LZTFL1: variants seen among roughly 807,000 people sequenced by gnomAD.
The protein encoded by LZTFL1 is leucine zipper transcription factor like 1, also known as leucine zipper transcription factor-like protein 1.
Under a neutral mutation model 45.9 loss-of-function variants are expected in LZTFL1, and 25 were observed. The observed-to-expected ratio is 0.54, with a 90% CI of 0.40 to 0.76. LZTFL1 has a LOEUF of 0.76. Among genes scored for constraint, LZTFL1 ranks in the 30% least tolerant of loss-of-function variants. The pLI is 0.00. For missense variants in LZTFL1, 277 were observed against 331.1 expected, an observed-to-expected ratio of 0.84 and a Z score of 1.27; for synonymous variants, 93 against 117.4, an observed-to-expected ratio of 0.79 and a Z score of 1.35.
intron 2 of LZTFL1, chr3:45,897,694 A>G (rs1702402811): frequency 1.6e-6 from 2 of 1,243,072 alleles, no homozygotes; most frequent in Non-Finnish European, 2.2e-6. Context: ...TTTGTTCCCC[A>G]GGAACCAAAG....
At chr3:45,845,835 G>A (rs545892594), upstream of LZTFL1, among the ~76,000 whole-genome samples, 1 of 152,304 alleles carries the variant, frequency 6.6e-6, no homozygotes, top group Non-Finnish European at 1.5e-5. Context: ...GAATAGCTGT[G>A]TCATGAATAG....
At chr3:45,859,876 A>T (rs1701456316) in intron 2 of LZTFL1, among the ~76,000 whole-genome samples, 1 of 152,154 alleles carries the variant, frequency 6.6e-6, no homozygotes, top group African/African-American at 2.4e-5. Flanking sequence ...ACCTCAAGTG[A>T]TCTGCCCGTA....
At chr3:45,878,513 G>A (rs1057468536) in intron 2 of LZTFL1, among the ~76,000 whole-genome samples, 1 of 151,930 alleles carries the variant, frequency 6.6e-6, no homozygotes, top group Non-Finnish European at 1.5e-5. Flanking sequence ...GCTGGGGGAT[G>A]GGGCCCATTT....
chr3:45,867,492 T>C (rs1701596553), intron 2 of LZTFL1, among the ~76,000 whole-genome samples: 1 of 152,084 alleles, frequency 6.6e-6, no homozygotes, highest in African/African-American at 2.4e-5. Flanking sequence ...TTGGGGTGAA[T>C]TGGAATTAAA....
At chr3:45,876,187 C>T (rs569368495) in intron 2 of LZTFL1, among the ~76,000 whole-genome samples, 75 of 152,224 alleles carry the variant, frequency 4.9e-4, no homozygotes, top group Admixed American at 3.3e-3. Context: ...AGGCTCTTGA[C>T]GCTCAGGGAC....
intron 4 of LZTFL1, among the ~76,000 whole-genome samples, chr3:45,849,061 T>C (rs983001511): frequency 2.6e-5 from 4 of 152,216 alleles, no homozygotes. Flanking sequence ...GTCTATCGGT[T>C]GTTGGGAGAA....
chr3:45,889,404 C>T (rs569816156), intron 2 of LZTFL1, among the ~76,000 whole-genome samples: 9 of 152,156 alleles, frequency 5.9e-5, no homozygotes, highest in South Asian at 2.1e-4. Context: ...GCTCTTTCTG[C>T]GGTAGCTGGA....
At chr3:45,846,283 T>C (rs923039645), upstream of LZTFL1, among the ~76,000 whole-genome samples, 2 of 152,264 alleles carry the variant, frequency 1.3e-5, no homozygotes, top group African/African-American at 4.8e-5. Flanking sequence ...TTAGTTCTCA[T>C]GACTTAACCC....
upstream of LZTFL1, among the ~76,000 whole-genome samples, chr3:45,846,677 C>T (rs954602103): frequency 6.6e-6 from 1 of 151,356 alleles, no homozygotes; most frequent in African/African-American, 2.4e-5. Flanking sequence ...ATTTACTATT[C>T]ATTAAGTGGA....
intron 2 of LZTFL1, among the ~76,000 whole-genome samples, chr3:45,909,746 C>T (rs768538877): frequency 1.2e-4 from 18 of 152,222 alleles, no homozygotes; most frequent in East Asian, 1.9e-4. Flanking sequence ...GGCCTCACGC[C>T]GTGGGTGGCA....
At chr3:45,905,928 A>G (rs1337780605) in intron 2 of LZTFL1, among the ~76,000 whole-genome samples, 1 of 151,844 alleles carries the variant, frequency 6.6e-6, no homozygotes, top group African/African-American at 2.4e-5. Context: ...ATGCTGGTCG[A>G]CTCTCCAAAG....
At chr3:45,915,122 C>T (rs796526303) in intron 1 of LZTFL1, among the ~76,000 whole-genome samples, 3 of 152,182 alleles carry the variant, frequency 2.0e-5, no homozygotes, top group African/African-American at 7.2e-5. Flanking sequence ...CCTCAATGGT[C>T]CAGGCTTCCT....
At chr3:45,837,221 C>T (rs189749203) in intron 2 of LZTFL1, among the ~76,000 whole-genome samples, 1 of 152,122 alleles carries the variant, frequency 6.6e-6, no homozygotes, top group African/African-American at 2.4e-5. Context: ...TTTCTATATT[C>T]TTCAATAGAA....
At chr3:45,903,502 A>G (rs1321943193) in intron 2 of LZTFL1, among the ~76,000 whole-genome samples, 1 of 152,222 alleles carries the variant, frequency 6.6e-6, no homozygotes, top group African/African-American at 2.4e-5. Flanking sequence ...GCTTTAGAGG[A>G]AGCATCTAAT....
chr3:45,839,270 A>G (rs1476780660), intron 1 of LZTFL1, among the ~76,000 whole-genome samples: 1 of 152,050 alleles, frequency 6.6e-6, no homozygotes, highest in Non-Finnish European at 1.5e-5. Flanking sequence ...TTGTATTTTT[A>G]GTAGAGACGG....
In LZTFL1 at chr3:45,896,104, A is replaced by C. The variant is rs1015272343; in HGVS notation, c.-215+17016T>G. 2.4e-4 allele frequency among the ~76,000 whole-genome samples: 36 copies of C among 152,340 alleles called. 1 individual carries two copies. The highest frequency in any genetic ancestry group is 1.4e-3 in the Admixed American group (22 of 15,302). On this transcript the variant is annotated intron_variant, in intron 2 of 4. Coordinates refer to the LZTFL1 transcript ENST00000472635. ...ATCCATAACAACAAAAAAGTAATTA[A>C]TTTGGTCCTGGTGAAGTAACTATTA...
intron 2 of LZTFL1, among the ~76,000 whole-genome samples, chr3:45,911,898 C>T (rs534094667): frequency 5.3e-5 from 8 of 152,326 alleles, no homozygotes; most frequent in Admixed American, 2.6e-4. Flanking sequence ...AATTAGTTTT[C>T]GCATTTTAAA....
At chr3:45,867,162 A>C (rs1395782411) in intron 2 of LZTFL1, among the ~76,000 whole-genome samples, 1 of 151,744 alleles carries the variant, frequency 6.6e-6, no homozygotes, top group Non-Finnish European at 1.5e-5. Flanking sequence ...AAAAAAAAAA[A>C]AAAAAAAAAC....
At chr3:45,851,711 G>A (rs759230249) in intron 4 of LZTFL1, among the ~76,000 whole-genome samples, 1 of 151,814 alleles carries the variant, frequency 6.6e-6, no homozygotes, top group Non-Finnish European at 1.5e-5. Context: ...AGCCAGGTGC[G>A]GTGGCTCACA....
Sources: allele counts gnomAD v4.1 joint callset (sites outside exome capture counted in the v4.1 genomes callset), GRCh38; gene constraint gnomAD v4.1.1; transcripts MANE v1.5; gene names NCBI Gene and HGNC (gene_info 2026-07-23, HGNC 2026-07-21).